Variants in IDUA observed in about 807,000 individuals in gnomAD.
The protein encoded by IDUA is iduronidase alpha-L-.
A neutral mutation model predicts 68.9 loss-of-function variants in IDUA; 65 were observed. The observed-to-expected ratio is 0.94, with a 90% confidence interval of 0.77 to 1.16. The LOEUF is 1.16. Ranked by LOEUF, IDUA falls within the 50% of genes most tolerant of loss-of-function variation. IDUA has a pLI of 0.00. For missense variants in IDUA, 1,046 were observed against 938.0 expected (o/e 1.12, Z -1.50); for synonymous variants, 529 against 433.6 (o/e 1.22, Z -2.73).
In IDUA at chr4:987,890, C is replaced by A; in HGVS notation, c.240C>A (p.Val80=). The change falls in exon 2 of 14, where the codon GTC becomes GTA. Residue 80 remains valine, a synonymous_variant. Transcript: ENST00000514224. Reference sequence around the variant, plus strand: ...TCAACCTCGCCTATGTGGGCGCCGTCCCTCACCGCGGCATCAAGCAGGTCC... The same window carrying A: ...TCAACCTCGCCTATGTGGGCGCCGTACCTCACCGCGGCATCAAGCAGGTCC... ...QQLNLAYVGA[V]PHRGIKQVRT... The A allele has an allele frequency of 1.2e-6, 2 of 1,610,610 alleles. No individual in the cohort carries two copies. The highest frequency in any genetic ancestry group is 1.1e-5 in the South Asian group (1 of 90,620).
At chr4:1,000,255 G>A (rs1396210203) in intron 2 of IDUA, among the ~76,000 whole-genome samples, 2 of 152,234 alleles carry the variant, frequency 1.3e-5, no homozygotes, top group South Asian at 2.1e-4. Flanking sequence ...TCCAGGAGGT[G>A]CAGAGAACCA....
intron 2 of IDUA, among the ~76,000 whole-genome samples, chr4:997,700 G>T (rs1714825358): frequency 6.6e-6 from 1 of 152,156 alleles, no homozygotes; most frequent in Non-Finnish European, 1.5e-5. Context: ...CGCCGGCCCA[G>T]TCCCCTCCCC....
intron 2 of IDUA, chr4:990,999 G>A (rs1714253319): frequency 5.1e-6 from 5 of 975,242 alleles, no homozygotes; most frequent in Non-Finnish European, 7.3e-6. Flanking sequence ...CTCTGCCCAA[G>A]CCTTGCTGTC....
intron 2 of IDUA, among the ~76,000 whole-genome samples, chr4:997,738 A>G (rs954244828): frequency 1.3e-5 from 2 of 151,672 alleles, no homozygotes; most frequent in Non-Finnish European, 2.9e-5. Flanking sequence ...GCCCCTCCCA[A>G]TGGGGGCCAG....
At chr4:988,651 C>T in intron 2 of IDUA, 6 of 1,403,202 alleles carry the variant, frequency 4.3e-6, no homozygotes, top group Non-Finnish European at 5.5e-6. Flanking sequence ...GTGTTTGGGT[C>T]CTGCGTGTGA....
In IDUA at chr4:989,833, T is replaced by C; in HGVS notation, c.299+1884T>C. The C allele has an allele frequency of 1.9e-6, 3 of 1,580,118 alleles. No individual in the cohort carries two copies. The highest frequency in any genetic ancestry group is 8.6e-7 in the Non-Finnish European group (1 of 1,164,020). ...CAGCTCCTGGTTGGCACGCACAGAGTAGCCGTGACTGCGGGCGAACATCTC... is the reference window on the plus strand; with the variant it reads ...CAGCTCCTGGTTGGCACGCACAGAGCAGCCGTGACTGCGGGCGAACATCTC... On this transcript the variant is annotated intron_variant, in intron 2 of 13. Coordinates refer to ENST00000514224, the MANE Select transcript of IDUA (RefSeq NM_000203.5).
At chr4:988,692 C>T (rs1713947016) in intron 2 of IDUA, 1 of 1,413,542 alleles carries the variant, frequency 7.1e-7, no homozygotes, top group Non-Finnish European at 9.2e-7. Context: ...GTTGGGGTTC[C>T]CCGGTTTCCC....
chr4:989,240 C>G lies in IDUA; in HGVS notation c.299+1291C>G, dbSNP rs760982748. On this transcript the variant is annotated intron_variant, in intron 2 of 13. Transcript: ENST00000514224. ...TCCTTCCTCCTGGCAGCCATGCACC[C>G]TGCGTCCAGCCCCGTGAGGCTGTAG... 8.1e-6 allele frequency: 13 copies of G among 1,612,426 alleles called. 1 individual carries two copies. In the South Asian group the frequency reaches 1.4e-4, roughly 18 times the overall value.
rs121965029 is a variant in IDUA, at chr4:987,916, G to A, written c.266G>A (p.Arg89Gln). 20 of 1,600,848 alleles carry A rather than the reference G, an allele frequency of 1.2e-5. No homozygotes were observed. The highest frequency in any genetic ancestry group is 1.7e-4 in the Middle Eastern group (1 of 6,016). Residue 89 changes from arginine (R) to glutamine (Q), a missense_variant, in exon 2 of 14, where the codon CGG (arginine) becomes CAG (glutamine). Arg to Gln is a conservative substitution (Grantham distance 43). Coordinates refer to ENST00000514224, the MANE Select transcript of IDUA (RefSeq NM_000203.5). Reference protein sequence around the residue: ...AVPHRGIKQVRTHWLLELVTT... With the variant: ...AVPHRGIKQVQTHWLLELVTT... Reference sequence around the variant, plus strand: ...CCTCACCGCGGCATCAAGCAGGTCCGGACCCACTGGCTGCTGGAGCTTGTC... The same window carrying A: ...CCTCACCGCGGCATCAAGCAGGTCCAGACCCACTGGCTGCTGGAGCTTGTC...
In IDUA at chr4:1,004,008, C is replaced by T. The variant is rs775914231; in HGVS notation, c.1728-4C>T. On this transcript the variant is annotated splice_region_variant and splice_polypyrimidine_tract_variant and intron_variant, in intron 12 of 13. Transcript: ENST00000514224. The surrounding 1 kb of genome is among the most constrained non-coding windows in gnomAD (Gnocchi z 5.0). ...CAGCCTTGTTCTTGGCCTGACCTCC[C>T]CAGGTGCCTGTGGACATACGAGATC... 3.1e-6 allele frequency: 5 copies of T among 1,607,720 alleles called. No individual in the cohort carries two copies. Among genetic ancestry groups the T allele is most frequent in the Non-Finnish European group, 4.3e-6 (5 of 1,175,868 alleles).
intron 2 of IDUA, among the ~76,000 whole-genome samples, chr4:997,383 C>T (rs1372022090): frequency 2.0e-5 from 3 of 151,196 alleles, no homozygotes; most frequent in South Asian, 2.1e-4. Flanking sequence ...CCCCACCCCG[C>T]GCGGTCTCCC....
At chr4:1,003,194 G>A in intron 10 of IDUA, 37 bp downstream of exon 10, 1 of 1,310,062 alleles carries the variant, frequency 7.6e-7, no homozygotes, top group South Asian at 2.2e-5. Flanking sequence ...GCCGGGCCGG[G>A]CCGGGGTCCC....
chr4:993,784 C>T (rs931264869), intron 2 of IDUA, among the ~76,000 whole-genome samples: 2 of 152,226 alleles, frequency 1.3e-5, no homozygotes. Context: ...GGACACCCTC[C>T]TGGTCCTGCA....
intron 12 of IDUA, 187 bp from the exon 13 acceptor site, chr4:1,003,825 G>T: frequency 1.3e-6 from 1 of 783,550 alleles, no homozygotes; most frequent in Non-Finnish European, 2.2e-6. Context: ...TTCTCCTAGG[G>T]GACATGAGAT....
In IDUA at chr4:1,002,972, G is replaced by A. The variant is rs1406248361; in HGVS notation, c.1402+28G>A. On this transcript the variant is annotated intron_variant, in intron 9 of 13. Transcript: ENST00000514224. ...AAGCCGGGGTTCCAGGGAGGTCTCTGGCCCCGCTGGGGCTCTGGAGGGGGC... is the reference window on the plus strand; with the variant it reads ...AAGCCGGGGTTCCAGGGAGGTCTCTAGCCCCGCTGGGGCTCTGGAGGGGGC... The A allele has an allele frequency of 3.6e-6, 5 of 1,381,526 alleles. No homozygotes were observed. The East Asian group carries it at 1.5e-4, about 42-fold the overall frequency. The allele number at this position is 1,381,526 out of a possible 1,614,324, so 85.6% of individuals were successfully genotyped here.
chr4:989,754 G>A (rs2153016859), intron 2 of IDUA: 1 of 1,558,028 alleles, frequency 6.4e-7, no homozygotes, highest in East Asian at 2.4e-5. Context: ...GGGCGGCGCT[G>A]GTGGCGAAGC....
chr4:989,723 T>C (rs1577514548), intron 2 of IDUA: 3 of 1,558,248 alleles, frequency 1.9e-6, no homozygotes, highest in African/African-American at 2.7e-5. Context: ...CCAGTGGCTG[T>C]CTTCACCAGG....
intron 2 of IDUA, chr4:990,935 T>TC (rs2153017694): frequency 1.7e-6 from 1 of 591,832 alleles, no homozygotes; most frequent in Admixed American, 3.4e-5. Flanking sequence ...CCCTCCTGCA[T>TC]CCACAGCCTC....
rs753108192 is a variant in IDUA, at chr4:1,001,037, T to C, written c.493+48T>C. ...GCCCTGGCCGGGGCGGGGGTACTCC[T>C]GGGCAGGTTGCACCCCTATCACGCA... On this transcript the variant is annotated intron_variant, in intron 4 of 13. Coordinates refer to ENST00000514224, the MANE Select transcript of IDUA (RefSeq NM_000203.5). The C allele has an allele frequency of 3.7e-6, 5 of 1,342,672 alleles. No individual in the cohort carries two copies. In the African/African-American group the frequency reaches 4.3e-5, roughly 12 times the overall value. The allele number at this position is 1,342,672 out of a possible 1,614,324, so 83.2% of individuals were successfully genotyped here.
Sources: allele counts gnomAD v4.1 joint callset (sites outside exome capture counted in the v4.1 genomes callset), GRCh38; gene constraint gnomAD v4.1.1; non-coding constraint Gnocchi (gnomAD v3.1); transcripts MANE v1.5; gene names NCBI Gene and HGNC (gene_info 2026-07-23, HGNC 2026-07-21).